The following FBXW2 variants were observed in gnomAD, a reference collection of about 807,000 sequenced individuals.
FBXW2 encodes the protein F-box/WD repeat-containing protein 2.
A neutral mutation model predicts 46.0 loss-of-function variants in FBXW2; 12 were observed. That is an observed-to-expected ratio of 0.26 (90% CI 0.17 to 0.42). The LOEUF is 0.42. Among genes scored for constraint, FBXW2 ranks in the 10% least tolerant of loss-of-function variants. The pLI, the probability that FBXW2 is intolerant of heterozygous loss-of-function variation, is 1.00. For missense variants in FBXW2, 360 were observed against 537.0 expected, an observed-to-expected ratio of 0.67 and a Z score of 3.26; for synonymous variants, 203 against 209.6, an observed-to-expected ratio of 0.97 and a Z score of 0.27.
At chr9:120,765,249 T>C (rs933797775) in intron 7 of FBXW2, among the ~76,000 whole-genome samples, 5 of 152,038 alleles carry the variant, frequency 3.3e-5, no homozygotes, top group African/African-American at 1.2e-4. Flanking sequence ...CGGCTGCCAC[T>C]GCACCTGGCT....
rs2044185038 is a variant in FBXW2, at chr9:120,760,770, C to A, written c.*3789G>T. On this transcript the variant is annotated 3_prime_UTR_variant, in exon 8 of 8. Transcript: ENST00000608872. ...AAGAAATGTGTAAAGCCAGGATCCACTATCCTTAGCTGATTCTGTTAGATC... is the reference window on the plus strand; with the variant it reads ...AAGAAATGTGTAAAGCCAGGATCCAATATCCTTAGCTGATTCTGTTAGATC... The A allele has an allele frequency of 6.6e-6, 1 of 152,240 alleles. No individual in the cohort carries two copies. The highest frequency in any genetic ancestry group is 1.5e-5 in the Non-Finnish European group (1 of 68,038). 9.4% of individuals were successfully genotyped at this position (152,240 alleles called of 1,614,324 possible).
chr9:120,783,700 C>G (rs1380075516), intron 3 of FBXW2, among the ~76,000 whole-genome samples: 2 of 152,194 alleles, frequency 1.3e-5, no homozygotes, highest in Non-Finnish European at 2.9e-5. Context: ...AAAAACTGCT[C>G]TAATTCATCC....
At chr9:120,779,508 TATGA>T (rs2044566606) in intron 3 of FBXW2, among the ~76,000 whole-genome samples, 1 of 152,084 alleles carries the variant, frequency 6.6e-6, no homozygotes, top group African/African-American at 2.4e-5. Context: ...AGAGCTAGAG[TATGA>T]ATTTTAACCT....
chr9:120,785,062 G>T (rs2044692272), intron 3 of FBXW2, among the ~76,000 whole-genome samples: 1 of 150,146 alleles, frequency 6.7e-6, no homozygotes, highest in South Asian at 2.1e-4. Flanking sequence ...AGGCTGGAGT[G>T]CAGTGGCACA....
rs1250714899 is a variant in FBXW2 at position 120,758,717 on chromosome 9, C to G, written c.*5842G>C. 1 of 152,154 alleles carries G rather than the reference C, an allele frequency of 6.6e-6. No homozygotes were observed. The highest frequency in any genetic ancestry group is 1.5e-5 in the Non-Finnish European group (1 of 68,032). The allele number at this position is 152,154 out of a possible 1,614,324, so 9.4% of individuals were successfully genotyped here. A position where few individuals can be genotyped will look rare whatever the true frequency, so the allele number is the denominator to read the frequency against. On this transcript the variant is annotated 3_prime_UTR_variant, in exon 8 of 8. Coordinates refer to ENST00000608872, the MANE Select transcript of FBXW2 (RefSeq NM_012164.4). ...AGCCACAGCTTTCTCATCTGTAAAA[C>G]AGGAATGACAATCTGCCCTTAATGA...
chr9:120,768,967 G>A (rs1250262035), intron 7 of FBXW2, among the ~76,000 whole-genome samples: 1 of 152,216 alleles, frequency 6.6e-6, no homozygotes, highest in Non-Finnish European at 1.5e-5. Flanking sequence ...TGATTCCAAA[G>A]ACTGAAACAC....
rs1346472234 is a variant in FBXW2, at chr9:120,762,394, A to G, written c.*2165T>C. 1 of 152,188 alleles carries G rather than the reference A, an allele frequency of 6.6e-6. No homozygotes were observed. The highest frequency in any genetic ancestry group is 1.5e-5 in the Non-Finnish European group (1 of 68,026). The allele number at this position is 152,188 out of a possible 1,614,324, so 9.4% of individuals were successfully genotyped here. On this transcript the variant is annotated 3_prime_UTR_variant, in exon 8 of 8. Transcript: ENST00000608872. ...AAGTCATTTACCATCATCATTGCCC[A>G]AAGTCTCCTGGGGCTTCTGCAAAAT...
intron 3 of FBXW2, among the ~76,000 whole-genome samples, chr9:120,787,500 A>C (rs2044747874): frequency 6.6e-6 from 1 of 152,206 alleles, no homozygotes; most frequent in Admixed American, 6.5e-5. Flanking sequence ...AGGAAACACA[A>C]AGAAAAAGTA....
Position 120,788,018 on chromosome 9 carries a change from A to T in FBXW2, c.241T>A (p.Cys81Ser). The T allele has an allele frequency of 6.2e-7, 1 of 1,614,228 alleles. No individual in the cohort carries two copies. Among genetic ancestry groups the T allele is most frequent in the Admixed American group, 1.7e-5 (1 of 60,028 alleles). The change falls in exon 3 of 8, where the codon TGC (cysteine) becomes AGC (serine). Residue 81 changes from cysteine (C) to serine (S), a missense_variant. Cys to Ser is a moderately radical substitution (Grantham distance 112). Transcript: ENST00000608872. The part of the protein sequence containing the change: ...WLDPQTLLTC[C>S]LVSKQWNKVI... ...TTATTCCACTGTTTAGAGACGAGGC[A>T]GCATGTGAGTAAAGTCTGAGGATCG...
In FBXW2 at chr9:120,778,495, C is replaced by G; in HGVS notation, c.541G>C (p.Val181Leu). Residue 181 changes from valine to leucine, a missense_variant, in exon 4 of 8, where the codon GTT becomes CTT. Physicochemically the swap from Val to Leu is conservative, Grantham distance 32 (BLOSUM62 1). Transcript: ENST00000608872. ...CAAGTGTGGGTCTGGATGCCATAAA[C>G]GCACTGCCCTGTGCTCACATCCCAC... The part of the protein sequence containing the change: ...KLWDVSTGQC[V>L]YGIQTHTCAA... The G allele has an allele frequency of 6.2e-7, 1 of 1,614,144 alleles. No homozygotes were observed. The highest frequency in any genetic ancestry group is 8.5e-7 in the Non-Finnish European group (1 of 1,180,016).
Position 120,764,352 on chromosome 9 carries a change from A to C in FBXW2, c.*207T>G. 1.7e-6 allele frequency: 1 copy of C among 576,244 alleles called. No homozygotes were observed. Among genetic ancestry groups the C allele is most frequent in the Non-Finnish European group, 3.1e-6 (1 of 324,004 alleles). The allele number at this position is 576,244 out of a possible 1,614,324, so 35.7% of individuals were successfully genotyped here. A position where few individuals can be genotyped will look rare whatever the true frequency, so the allele number is the denominator to read the frequency against. ...ACAAATGAAGTCAATGGTGTACCCC[A>C]TTAGCATGCTGCGTTGTATGTCAAT... is the stretch of plus-strand genomic sequence containing the variant. On this transcript the variant is annotated 3_prime_UTR_variant, in exon 8 of 8. Transcript: ENST00000608872.
intron 3 of FBXW2, among the ~76,000 whole-genome samples, chr9:120,786,009 A>C (rs570413972): frequency 1.8e-3 from 238 of 128,808 alleles, no homozygotes; most frequent in Non-Finnish European, 3.2e-3. Context: ...ACAGAGTGAG[A>C]CTCCATCTCA....
intron 3 of FBXW2, 60 bp from the exon 4 acceptor site, chr9:120,778,605 A>C: frequency 7.1e-7 from 1 of 1,417,944 alleles, no homozygotes; most frequent in Non-Finnish European, 9.8e-7. Flanking sequence ...AGGAAAATCA[A>C]TCCCAAAATC....
At position 120,787,782 on chromosome 9, in the gene FBXW2, T is replaced by A. The variant is rs1310492399; in HGVS notation, c.477A>T (p.Gly159=). Residue 159 remains glycine (G), a synonymous_variant, in exon 3 of 8, where the codon GGA becomes GGT. Coordinates refer to ENST00000608872, the MANE Select transcript of FBXW2 (RefSeq NM_012164.4). The part of the protein sequence containing the change: ...ARVYALYYKD[G]LLCTGSDDLS... ...AACATCTCTTACCTGTACAGAGAAG[T>A]CCATCTTTGTAGTAAAGTGCATACA... is the stretch of plus-strand genomic sequence containing the variant. 1 of 1,613,244 alleles carries A rather than the reference T, an allele frequency of 6.2e-7. No individual in the cohort carries two copies. Among genetic ancestry groups the A allele is most frequent in the South Asian group, 1.1e-5 (1 of 90,978 alleles).
In FBXW2 at chr9:120,760,494, G is replaced by A. The variant is rs1289572679; in HGVS notation, c.*4065C>T. ...AAATACAAAAATAGCTGGGCGTGGT[G>A]GCACGCGCCTGTAGTCTCAGCTACT... On this transcript the variant is annotated 3_prime_UTR_variant, in exon 8 of 8. Coordinates refer to ENST00000608872, the MANE Select transcript of FBXW2 (RefSeq NM_012164.4). 1.3e-5 allele frequency: 2 copies of A among 152,330 alleles called. No individual in the cohort carries two copies. Among genetic ancestry groups the A allele is most frequent in the African/African-American group, 4.8e-5 (2 of 41,456 alleles). 9.4% of individuals were successfully genotyped at this position (152,330 alleles called of 1,614,324 possible). A position where few individuals can be genotyped will look rare whatever the true frequency, so the allele number is the denominator to read the frequency against.
At chr9:120,791,518 A>G (rs1317939995) in intron 2 of FBXW2, among the ~76,000 whole-genome samples, 1 of 152,236 alleles carries the variant, frequency 6.6e-6, no homozygotes, top group East Asian at 1.9e-4. Context: ...TATAGCAGGG[A>G]CATGCTTAGC....
intron 3 of FBXW2, among the ~76,000 whole-genome samples, chr9:120,779,916 C>T (rs1389984537): frequency 1.3e-5 from 2 of 152,078 alleles, no homozygotes; most frequent in Non-Finnish European, 2.9e-5. Flanking sequence ...CTTTAGGAGG[C>T]CAAGGCAGGC....
Position 120,760,644 on chromosome 9 carries a change from A to C in FBXW2, c.*3915T>G, listed in dbSNP as rs557925335. 1.1e-4 allele frequency: 17 copies of C among 152,282 alleles called. No homozygotes were observed. The highest frequency in any genetic ancestry group is 2.4e-4 in the African/African-American group (10 of 41,520). 9.4% of individuals were successfully genotyped at this position (152,282 alleles called of 1,614,324 possible). ...TCTGTCTCAAAAACATACAAAAAAA[A>C]CAAAACAAAACAAAAAAAACAGTGA... On this transcript the variant is annotated 3_prime_UTR_variant, in exon 8 of 8. Transcript: ENST00000608872.
intron 2 of FBXW2, among the ~76,000 whole-genome samples, chr9:120,790,431 C>A (rs899906838): frequency 6.6e-6 from 1 of 152,050 alleles, no homozygotes; most frequent in African/African-American, 2.4e-5. Flanking sequence ...TTGCAGTGAG[C>A]CGAGATCACG....
Sources: allele counts gnomAD v4.1 joint callset (sites outside exome capture counted in the v4.1 genomes callset), GRCh38; gene constraint gnomAD v4.1.1; transcripts MANE v1.5; gene names NCBI Gene and HGNC (gene_info 2026-07-23, HGNC 2026-07-21).